Variants in MYLK observed in about 807,000 individuals in gnomAD.
The protein encoded by MYLK is myosin light chain kinase, also known as myosin light chain kinase, smooth muscle.
Under a neutral mutation model 203.4 loss-of-function variants are expected in MYLK, and 106 were observed. That is an observed-to-expected ratio of 0.52 (90% CI 0.45 to 0.61). The LOEUF (loss-of-function observed/expected upper bound fraction) is 0.61. Ranked by LOEUF, MYLK falls within the 20% of genes least tolerant of loss-of-function variation. The pLI is 0.00. For missense variants in MYLK, 2,072 were observed against 2,442.3 expected (o/e 0.85, Z 3.20); for synonymous variants, 867 against 959.5 (o/e 0.90, Z 1.78).
intron 3 of MYLK, among the ~76,000 whole-genome samples, chr3:123,816,734 G>A (rs1024031606): frequency 1.3e-5 from 2 of 152,212 alleles, no homozygotes; most frequent in African/African-American, 4.8e-5. Context: ...TGATGGGCAC[G>A]TGCCAGAACT....
chr3:123,741,702 A>G (rs1355468405), intron 5 of MYLK, among the ~76,000 whole-genome samples: 4 of 152,256 alleles, frequency 2.6e-5, no homozygotes, highest in Non-Finnish European at 5.9e-5. Flanking sequence ...ACAGCTATTC[A>G]CTTTTATCTT....
rs1247547698 is a variant in MYLK at position 123,725,939 on chromosome 3, C to G, written c.1651+5G>C. ...GAGCAGAGAGCTGGGGCAGGGGGAACTCACCATTCAGCAGCCAAGTGATCC... is the reference window on the plus strand; with the variant it reads ...GAGCAGAGAGCTGGGGCAGGGGGAAGTCACCATTCAGCAGCCAAGTGATCC... On this transcript the variant is annotated splice_donor_5th_base_variant and intron_variant, in intron 12 of 33. Transcript: ENST00000360304. 1 of 1,613,434 alleles carries G rather than the reference C, an allele frequency of 6.2e-7. No homozygotes were observed. Among genetic ancestry groups the G allele is most frequent in the African/African-American group, 1.3e-5 (1 of 75,044 alleles).
intron 20 of MYLK, among the ~76,000 whole-genome samples, chr3:123,677,538 C>T (rs956180091): frequency 2.0e-5 from 3 of 152,042 alleles, no homozygotes; most frequent in African/African-American, 4.8e-5. Flanking sequence ...CTCCCCTGGG[C>T]CTGTGAACTT....
intron 3 of MYLK, among the ~76,000 whole-genome samples, chr3:123,795,710 C>T (rs1009364807): frequency 5.3e-5 from 8 of 152,188 alleles, no homozygotes; most frequent in Non-Finnish European, 1.0e-4. Context: ...TCCAGGCTGA[C>T]GATCATTTCT....
In MYLK at chr3:123,610,780, C is replaced by T. The variant is rs2057230648; in HGVS notation, c.*3325G>A. 2 of 152,158 alleles carry T rather than the reference C, an allele frequency of 1.3e-5. No individual in the cohort carries two copies. The highest frequency in any genetic ancestry group is 2.4e-5 in the African/African-American group (1 of 41,424). The allele number at this position is 152,158 out of a possible 1,614,324, so 9.4% of individuals were successfully genotyped here. A position where few individuals can be genotyped will look rare whatever the true frequency, so the allele number is the denominator to read the frequency against. ...ATTACCTCCTATGTACTTATTAGCACAGATTTATCAAAAACAGGTGAGGTG... is the reference window on the plus strand; with the variant it reads ...ATTACCTCCTATGTACTTATTAGCATAGATTTATCAAAAACAGGTGAGGTG... On this transcript the variant is annotated 3_prime_UTR_variant, in exon 34 of 34. Transcript: ENST00000360304.
intron 4 of MYLK, among the ~76,000 whole-genome samples, chr3:123,758,515 C>G (rs939572453): frequency 3.3e-5 from 5 of 152,194 alleles, no homozygotes; most frequent in Admixed American, 3.3e-4. Context: ...GTCTCTTTCT[C>G]TGTGATCAGC....
intron 28 of MYLK, chr3:123,639,148 GT>G: frequency 1.2e-6 from 1 of 800,994 alleles, no homozygotes; most frequent in African/African-American, 1.9e-5. Flanking sequence ...TGGCCTATTT[GT>G]TTAATTTATT....
chr3:123,779,071 A>G (rs1236824705), intron 4 of MYLK, among the ~76,000 whole-genome samples: 1 of 152,190 alleles, frequency 6.6e-6, no homozygotes, highest in Non-Finnish European at 1.5e-5. Context: ...ATTCAGTACC[A>G]GTGTTCACTG....
rs1485813457 is a variant in MYLK at position 123,707,971 on chromosome 3, T to C, written c.2173A>G (p.Ser725Gly). The C allele has an allele frequency of 6.2e-7, 1 of 1,614,128 alleles. No homozygotes were observed. Among genetic ancestry groups the C allele is most frequent in the Non-Finnish European group, 8.5e-7 (1 of 1,180,024 alleles). Reference sequence around the variant, plus strand: ...GAGGCTGTCACTGAGCGAGGCTTACTGATGAACCAGGGCTGGGTGCCATCG... The same window carrying C: ...GAGGCTGTCACTGAGCGAGGCTTACCGATGAACCAGGGCTGGGTGCCATCG... The part of the protein sequence containing the change: ...PHDGTQPWFI[S>G]KPRSVTASLG... The change falls in exon 16 of 34, where the codon AGT becomes GGT. Residue 725 changes from serine to glycine, a missense_variant. By Grantham distance (56) the Ser-to-Gly change is moderately conservative (BLOSUM62 0). Coordinates refer to ENST00000360304, the MANE Select transcript of MYLK (RefSeq NM_053025.4).
rs1227788315 is a variant in MYLK, at chr3:123,664,163, T to C, written c.3927A>G (p.Thr1309=). 1 of 1,614,032 alleles carries C rather than the reference T, an allele frequency of 6.2e-7. No individual in the cohort carries two copies. Among genetic ancestry groups the C allele is most frequent in the South Asian group, 1.1e-5 (1 of 91,078 alleles). Residue 1309 remains threonine (T), a synonymous_variant, in exon 23 of 34, where the codon ACA becomes ACG. Transcript: ENST00000360304. ...TGCCCAGCTTGTTCTCCACCAGCAG[T>C]GTGTAGCAGCCGCAGTGCTCCTGGC... ...AARQEHCGCY[T]LLVENKLGSR...
intron 2 of MYLK, among the ~76,000 whole-genome samples, chr3:123,860,294 C>T (rs2031778792): frequency 6.6e-6 from 1 of 152,186 alleles, no homozygotes; most frequent in South Asian, 2.1e-4. Context: ...TGCAGTTCTT[C>T]CCTACACCCT....
chr3:123,701,152 G>C (rs2061196911), intron 17 of MYLK, 147 bp from the exon 18 acceptor site: 22 of 1,180,120 alleles, frequency 1.9e-5, no homozygotes, highest in Non-Finnish European at 2.7e-5. Flanking sequence ...TGTGTTTATA[G>C]ATGGGAACAT....
intron 19 of MYLK, among the ~76,000 whole-genome samples, chr3:123,684,252 G>A (rs1361391797): frequency 1.3e-5 from 2 of 152,282 alleles, no homozygotes; most frequent in Admixed American, 6.5e-5. Flanking sequence ...GTCTGGGCAC[G>A]ATATGATCCA....
chr3:123,735,049 T>C (rs1389157469), intron 9 of MYLK: 4 of 361,320 alleles, frequency 1.1e-5, no homozygotes, highest in Admixed American at 3.7e-5. Context: ...AGGCTCCTGC[T>C]GGGTCTGGGC....
intron 29 of MYLK, among the ~76,000 whole-genome samples, chr3:123,633,869 A>G (rs1485258324): frequency 6.6e-6 from 1 of 151,844 alleles, no homozygotes; most frequent in Non-Finnish European, 1.5e-5. Flanking sequence ...GTTTTAAGAA[A>G]TGGGGGTCTC....
intron 2 of MYLK, among the ~76,000 whole-genome samples, chr3:123,832,801 G>C (rs2066373995): frequency 6.6e-6 from 1 of 152,122 alleles, no homozygotes; most frequent in Non-Finnish European, 1.5e-5. Flanking sequence ...CCATTTTCCA[G>C]AACTGTGAGG....
chr3:123,819,896 T>G (rs1218568151), intron 3 of MYLK, among the ~76,000 whole-genome samples: 1 of 150,762 alleles, frequency 6.6e-6, no homozygotes, highest in Non-Finnish European at 1.5e-5. Context: ...ATCCCATTCA[T>G]TCCTCCCACC....
intron 20 of MYLK, among the ~76,000 whole-genome samples, chr3:123,675,831 A>G (rs1560055100): frequency 6.6e-6 from 1 of 152,126 alleles, no homozygotes; most frequent in African/African-American, 2.4e-5. Context: ...GTCCTACCAC[A>G]CTGGCCCTGG....
At chr3:123,624,168 A>G (rs1323557179) in intron 31 of MYLK, 1 of 152,046 alleles carries the variant, frequency 6.6e-6, no homozygotes, top group East Asian at 1.9e-4. Context: ...CAAAGGAGAA[A>G]AAAAAATATT....
Sources: allele counts gnomAD v4.1 joint callset (sites outside exome capture counted in the v4.1 genomes callset), GRCh38; gene constraint gnomAD v4.1.1; transcripts MANE v1.5; gene names NCBI Gene and HGNC (gene_info 2026-07-23, HGNC 2026-07-21).